MRE11: variants seen among roughly 807,000 people sequenced by gnomAD.
MRE11 encodes double-strand break repair protein MRE11.
A neutral mutation model predicts 91.7 loss-of-function variants in MRE11; 62 were observed. That is an observed-to-expected ratio of 0.68 (90% CI 0.55 to 0.84). The LOEUF (loss-of-function observed/expected upper bound fraction) is 0.84. Among genes scored for constraint, MRE11 ranks in the 40% least tolerant of loss-of-function variants. MRE11 has a pLI of 0.00. For synonymous variants in MRE11, 273 were observed against 271.4 expected, an observed-to-expected ratio of 1.01 and a Z score of -0.06; for missense variants, 796 against 852.9, an observed-to-expected ratio of 0.93 and a Z score of 0.83.
chr11:94,472,286 T>C (rs1338397323), intron 7 of MRE11, among the ~76,000 whole-genome samples: 3 of 152,078 alleles, frequency 2.0e-5, no homozygotes, highest in East Asian at 3.8e-4. Context: ...TATGGTATTA[T>C]ACCTATATCA....
upstream of MRE11, among the ~76,000 whole-genome samples, chr11:94,495,851 A>T (rs973557305): frequency 6.6e-6 from 1 of 152,132 alleles, no homozygotes; most frequent in Admixed American, 6.5e-5. Context: ...CACCTACACT[A>T]GAGTAAGCTT....
intron 3 of MRE11, among the ~76,000 whole-genome samples, chr11:94,489,620 G>T (rs1284768102): frequency 6.6e-6 from 1 of 152,170 alleles, no homozygotes; most frequent in African/African-American, 2.4e-5. Flanking sequence ...AAGAGTAGTA[G>T]AGAGGAACCA....
At chr11:94,458,667 T>C (rs937841979) in intron 13 of MRE11, among the ~76,000 whole-genome samples, 2 of 152,186 alleles carry the variant, frequency 1.3e-5, no homozygotes, top group Non-Finnish European at 2.9e-5. Flanking sequence ...GTAAAGCTAT[T>C]CAAACGTAAT....
chr11:94,494,619 A>G (rs1947383076), upstream of MRE11, among the ~76,000 whole-genome samples: 1 of 152,190 alleles, frequency 6.6e-6, no homozygotes, highest in Non-Finnish European at 1.5e-5. Flanking sequence ...ATGGAATATC[A>G]GGAATATCAT....
rs542314819 is a variant in MRE11 at position 94,463,492 on chromosome 11, T to C, written c.1225+621A>G. Among the ~76,000 whole-genome samples the C allele has an allele frequency of 3.3e-5, 5 of 152,350 alleles. No homozygotes were observed. In the South Asian group the frequency reaches 1.0e-3, roughly 32 times the overall value. ...AAGACACATGCACACATGTGTTTAT[T>C]GTGGCACTATTCACAATAGCAAAGA... On this transcript the variant is annotated intron_variant, in intron 11 of 19. Transcript: ENST00000323929.
At chr11:94,490,255 A>C (rs1215616673) in intron 3 of MRE11, among the ~76,000 whole-genome samples, 1 of 152,098 alleles carries the variant, frequency 6.6e-6, no homozygotes, top group Non-Finnish European at 1.5e-5. Flanking sequence ...GGCCCCTAAC[A>C]TACCTTATAC....
chr11:94,448,672 A>G (rs2134919604), intron 14 of MRE11, among the ~76,000 whole-genome samples: 1 of 152,258 alleles, frequency 6.6e-6, no homozygotes, highest in East Asian at 1.9e-4. Flanking sequence ...GCCTAAGCCT[A>G]AGAAGGAATA....
intron 16 of MRE11, among the ~76,000 whole-genome samples, chr11:94,442,152 T>C (rs1209384605): frequency 2.0e-5 from 3 of 151,966 alleles, no homozygotes; most frequent in Non-Finnish European, 4.4e-5. Flanking sequence ...TCTGAAGGGA[T>C]AATAGCTAAG....
chr11:94,457,306 C>G (rs1591669258), intron 13 of MRE11, among the ~76,000 whole-genome samples: 2 of 152,250 alleles, frequency 1.3e-5, no homozygotes, highest in Middle Eastern at 3.4e-3. Context: ...ATGATGGGAT[C>G]AGGAGCCTGA....
At chr11:94,492,991 G>GA in intron 1 of MRE11, 85 bp from the exon 2 acceptor site, 1 of 604,394 alleles carries the variant, frequency 1.7e-6, no homozygotes. Flanking sequence ...ACAAGGTACA[G>GA]ACGTCTTAAT....
At chr11:94,439,888 C>A (rs1001425144) in intron 16 of MRE11, among the ~76,000 whole-genome samples, 2 of 152,218 alleles carry the variant, frequency 1.3e-5, no homozygotes, top group African/African-American at 4.8e-5. Flanking sequence ...GGTCTTCACC[C>A]TTACGCTACA....
At chr11:94,442,758 A>G (rs1276903693) in intron 16 of MRE11, among the ~76,000 whole-genome samples, 1 of 152,254 alleles carries the variant, frequency 6.6e-6, no homozygotes, top group Non-Finnish European at 1.5e-5. Flanking sequence ...TCATATCTAA[A>G]CAAACTAGGA....
chr11:94,498,736 G>T, upstream of MRE11: 1 of 572,608 alleles, frequency 1.7e-6, no homozygotes, highest in Non-Finnish European at 3.0e-6. Flanking sequence ...TTTCTGTGGA[G>T]TTTGTGATTT....
the MRE11 span, among the ~76,000 whole-genome samples, chr11:94,510,399 A>G: frequency 1.3e-5 from 2 of 152,202 alleles, no homozygotes; most frequent in Non-Finnish European, 2.9e-5. Flanking sequence ...GAACTAACAA[A>G]TGACAGTTGA....
intron 6 of MRE11, among the ~76,000 whole-genome samples, chr11:94,476,876 C>T (rs758740377): frequency 1.4e-4 from 21 of 152,188 alleles, no homozygotes; most frequent in East Asian, 5.8e-4. Flanking sequence ...TGCACCACCA[C>T]GTCTGGCTAA....
intron 4 of MRE11, 37 bp downstream of exon 4, chr11:94,485,887 C>A: frequency 6.3e-7 from 1 of 1,594,610 alleles, no homozygotes; most frequent in East Asian, 2.2e-5. Flanking sequence ...ATACCATACA[C>A]AAGTAATCAC....
intron 7 of MRE11, among the ~76,000 whole-genome samples, chr11:94,472,647 C>T (rs529977709): frequency 6.6e-6 from 1 of 152,156 alleles, no homozygotes; most frequent in South Asian, 2.1e-4. Context: ...GTGGTAAATT[C>T]CACACATAAA....
At chr11:94,490,578 C>G (rs1447598264) in intron 3 of MRE11, among the ~76,000 whole-genome samples, 1 of 152,180 alleles carries the variant, frequency 6.6e-6, no homozygotes, top group East Asian at 1.9e-4. Flanking sequence ...CGAATAGACA[C>G]TGCCACAGGA....
chr11:94,430,020 G>C (rs914228149), intron 18 of MRE11, 34 bp from the exon 19 acceptor site: 1 of 1,603,342 alleles, frequency 6.2e-7, no homozygotes, highest in East Asian at 2.2e-5. Context: ...CAAACACAAT[G>C]AACTACATAA....
Sources: gnomAD v4.1 joint callset for allele counts (sites outside exome capture counted in the v4.1 genomes callset) on GRCh38, gnomAD v4.1.1 for gene constraint, MANE v1.5 for transcripts, NCBI Gene and HGNC (gene_info 2026-07-23, HGNC 2026-07-21) for gene names.